Variants in CDHR1 observed in about 807,000 individuals in gnomAD.
CDHR1 encodes the protein cadherin related family member 1.
CDHR1 carries 61 observed loss-of-function variants against 72.1 expected under a neutral mutation model. The ratio of observed to expected loss-of-function variants is 0.85; its 90% CI spans 0.69 to 1.05. The LOEUF (loss-of-function observed/expected upper bound fraction) is 1.05. CDHR1 is among the 50% of genes least tolerant of loss of function. The pLI, the probability that CDHR1 is intolerant of heterozygous loss-of-function variation, is 0.00. For missense variants in CDHR1, 1,186 were observed against 1,115.7 expected, an observed-to-expected ratio of 1.06 and a Z score of -0.90; for synonymous variants, 470 against 448.1, an observed-to-expected ratio of 1.05 and a Z score of -0.62.
At chr10:84,194,886 C>T in intron 1 of CDHR1, 71 bp downstream of exon 1, 1 of 1,409,494 alleles carries the variant, frequency 7.1e-7, no homozygotes. Flanking sequence ...ACCCAGGTGG[C>T]CAGAGGGACA....
In CDHR1 at chr10:84,205,843, T is replaced by A. The variant is rs1312398950; in HGVS notation, c.879T>A (p.Phe293Leu). 5 of 1,613,538 alleles carry A rather than the reference T, an allele frequency of 3.1e-6. No homozygotes were observed. In the African/African-American group the frequency reaches 6.7e-5, roughly 22 times the overall value. ...CCTTGACAGGGAACGATGGAGCCTTTGAAATTAATGAGACATCTGGAGCCA... is the reference window on the plus strand; with the variant it reads ...CCTTGACAGGGAACGATGGAGCCTTAGAAATTAATGAGACATCTGGAGCCA... ...YSLVNGNDGAFEINETSGAIS... is the reference protein window; with the variant it reads ...YSLVNGNDGALEINETSGAIS... Residue 293 changes from phenylalanine to leucine, a missense_variant, in exon 10 of 17, where the codon TTT (phenylalanine) becomes TTA (leucine). Physicochemically the swap from Phe to Leu is conservative, Grantham distance 22. Transcript: ENST00000623527.
rs1363826316 is a variant in CDHR1, at chr10:84,196,663, GT to G, written c.297+14del. 1 of 1,614,202 alleles carries G rather than the reference GT, an allele frequency of 6.2e-7. No homozygotes were observed. ...GCTGGACAGAGAGGTATGGGGAGGT[GT>G]GGGGAGTGCTGCGGGGCCACTGCCT... On this transcript the variant is annotated intron_variant, in intron 3 of 16. Transcript: ENST00000623527.
Position 84,215,566 on chromosome 10 carries a change from C to T in CDHR1, c.*945C>T. On this transcript the variant is annotated 3_prime_UTR_variant, in exon 17 of 17. Coordinates refer to ENST00000623527, the MANE Select transcript of CDHR1 (RefSeq NM_033100.4). ...AAAGCTGTTTAAAGTCGCTGATCAT[C>T]CTCTTCCTCATCTGTAAATGAAGAA... 1 of 872,468 alleles carries T rather than the reference C, an allele frequency of 1.1e-6. No individual in the cohort carries two copies. Among genetic ancestry groups the T allele is most frequent in the Non-Finnish European group, 1.4e-6 (1 of 726,984 alleles). 54.0% of individuals were successfully genotyped at this position (872,468 alleles called of 1,614,324 possible). A position where few individuals can be genotyped will look rare whatever the true frequency, so the allele number is the denominator to read the frequency against.
intron 6 of CDHR1, among the ~76,000 whole-genome samples, chr10:84,201,257 C>G (rs1842119475): frequency 6.6e-6 from 1 of 152,206 alleles, no homozygotes; most frequent in African/African-American, 2.4e-5. Flanking sequence ...AATAACAGCA[C>G]CTGGCACAAG....
rs779289506 is a variant in CDHR1, at chr10:84,208,397, G to A, written c.1167+20G>A. 9.3e-6 allele frequency: 15 copies of A among 1,612,408 alleles called. No homozygotes were observed. The highest frequency in any genetic ancestry group is 3.3e-5 in the Admixed American group (2 of 59,916). ...GACCAGGTGTGTGGTCCTGCCCTCC[G>A]CTCTGCCTTCTCACAAACGGTATGA... On this transcript the variant is annotated intron_variant, in intron 11 of 16. Transcript: ENST00000623527.
intron 12 of CDHR1, among the ~76,000 whole-genome samples, chr10:84,210,593 T>A (rs989380372): frequency 3.3e-5 from 5 of 152,124 alleles, no homozygotes; most frequent in South Asian, 2.1e-4. Context: ...TTTATTTTTT[T>A]AAAAAAAGAA....
At chr10:84,204,089 T>C (rs1162382820) in intron 8 of CDHR1, among the ~76,000 whole-genome samples, 1 of 152,214 alleles carries the variant, frequency 6.6e-6, no homozygotes, top group Non-Finnish European at 1.5e-5. Flanking sequence ...GGATAAAATC[T>C]TAATTCTGGG....
chr10:84,211,502 C>T lies in CDHR1; in HGVS notation c.1486-146C>T, dbSNP rs59317874. The stretch of plus-strand genomic sequence containing the variant: ...CTTCTTGGAGGAAAACTAGGGATCC[C>T]GGGCAGGTCTCTCCACCAATTTCTC... On this transcript the variant is annotated intron_variant, in intron 13 of 16. Coordinates refer to ENST00000623527, the MANE Select transcript of CDHR1 (RefSeq NM_033100.4). 6,949 of 736,702 alleles carry T rather than the reference C, an allele frequency of 9.4e-3. 413 individuals carry two copies. In the East Asian group the frequency reaches 0.14, roughly 14 times the overall value. 45.6% of individuals were successfully genotyped at this position (736,702 alleles called of 1,614,324 possible). A position where few individuals can be genotyped will look rare whatever the true frequency, so the allele number is the denominator to read the frequency against.
chr10:84,208,981 C>A (rs929154784), intron 12 of CDHR1, 100 bp downstream of exon 12: 1 of 1,244,948 alleles, frequency 8.0e-7, no homozygotes, highest in Non-Finnish European at 1.1e-6. Context: ...CACTCTCTGC[C>A]CTTCCTGGCC....
In CDHR1 at chr10:84,208,745, T is replaced by A; in HGVS notation, c.1184T>A (p.Phe395Tyr). The change falls in exon 12 of 17, where the codon TTC becomes TAC. Residue 395 changes from phenylalanine (F) to tyrosine (Y), a missense_variant. By Grantham distance (22) the Phe-to-Tyr change is conservative. Coordinates refer to ENST00000623527, the MANE Select transcript of CDHR1 (RefSeq NM_033100.4). ...NDSDQGANAK[F>Y]NLQLVGPRGI... ...ATTCTCTAGGGAGCCAATGCCAAAT[T>A]CAACTTGCAGCTGGTGGGACCCAGG... is the stretch of plus-strand genomic sequence containing the variant. The A allele has an allele frequency of 6.2e-7, 1 of 1,614,216 alleles. No homozygotes were observed. Among genetic ancestry groups the A allele is most frequent in the Non-Finnish European group, 8.5e-7 (1 of 1,180,026 alleles).
chr10:84,202,435 C>T (rs7081976), intron 7 of CDHR1, among the ~76,000 whole-genome samples: 11,639 of 152,304 alleles, frequency 0.076, 1,093 homozygotes, highest in African/African-American at 0.21. Flanking sequence ...ACCCTAGCAG[C>T]CCCTCTAGGC....
Position 84,215,648 on chromosome 10 carries a change from G to C in CDHR1, c.*1027G>C, listed in dbSNP as rs1842414641. On this transcript the variant is annotated 3_prime_UTR_variant, in exon 17 of 17. Coordinates refer to ENST00000623527, the MANE Select transcript of CDHR1 (RefSeq NM_033100.4). ...AGGGTGAGGATTGAAGAAAATAGTG[G>C]TGATGAGGGCTTTAACCAAGTGCAA... The C allele has an allele frequency of 1.0e-6, 1 of 978,034 alleles. No individual in the cohort carries two copies. The highest frequency in any genetic ancestry group is 1.2e-6 in the Non-Finnish European group (1 of 823,384). 60.6% of individuals were successfully genotyped at this position (978,034 alleles called of 1,614,324 possible). A position where few individuals can be genotyped will look rare whatever the true frequency, so the allele number is the denominator to read the frequency against.
At chr10:84,208,650 C>T (rs993853052) in intron 11 of CDHR1, 79 bp from the exon 12 acceptor site, 13 of 1,417,548 alleles carry the variant, frequency 9.2e-6, no homozygotes, top group South Asian at 2.3e-5. Context: ...GTTAAGGGCA[C>T]GTGAAGACTT....
chr10:84,215,096 C>T lies in CDHR1; in HGVS notation c.*475C>T. 1 of 1,042,164 alleles carries T rather than the reference C, an allele frequency of 9.6e-7. No homozygotes were observed. The highest frequency in any genetic ancestry group is 1.2e-6 in the Non-Finnish European group (1 of 864,020). 64.6% of individuals were successfully genotyped at this position (1,042,164 alleles called of 1,614,324 possible). On this transcript the variant is annotated 3_prime_UTR_variant, in exon 17 of 17. Coordinates refer to ENST00000623527, the MANE Select transcript of CDHR1 (RefSeq NM_033100.4). ...AGGAGCAGGAAAAGGAGGCTCAGCACTGTCTCAGGCTGGAGGTCAGCGAAC... is the reference window on the plus strand; with the variant it reads ...AGGAGCAGGAAAAGGAGGCTCAGCATTGTCTCAGGCTGGAGGTCAGCGAAC...
chr10:84,196,563 C>T lies in CDHR1; in HGVS notation c.210C>T (p.His70=). 1 of 1,614,242 alleles carries T rather than the reference C, an allele frequency of 6.2e-7. No individual in the cohort carries two copies. Among genetic ancestry groups the T allele is most frequent in the African/African-American group, 1.3e-5 (1 of 75,062 alleles). ...CTGAGGGAGACCCCATCTCCTACCACATCAGCTTTGACCCCAGCACTAGAA... is the reference window on the plus strand; with the variant it reads ...CTGAGGGAGACCCCATCTCCTACCATATCAGCTTTGACCCCAGCACTAGAA... ...TDPEGDPISY[H]ISFDPSTRSV... The change falls in exon 3 of 17, where the codon CAC becomes CAT. Residue 70 remains histidine (H), a synonymous_variant. Transcript: ENST00000623527.
Position 84,215,415 on chromosome 10 carries a change from C to T in CDHR1, c.*794C>T. On this transcript the variant is annotated 3_prime_UTR_variant, in exon 17 of 17. Transcript: ENST00000623527. Reference sequence around the variant, plus strand: ...ACTAGAAGAGCATCAGGGCTGCTCTCTGAGGAGCTGCCCCACCAGCCATCC... The same window carrying T: ...ACTAGAAGAGCATCAGGGCTGCTCTTTGAGGAGCTGCCCCACCAGCCATCC... The T allele has an allele frequency of 6.1e-6, 6 of 985,484 alleles. No homozygotes were observed. Among genetic ancestry groups the T allele is most frequent in the Non-Finnish European group, 7.2e-6 (6 of 829,978 alleles). The allele number at this position is 985,484 out of a possible 1,614,324, so 61.0% of individuals were successfully genotyped here. A position where few individuals can be genotyped will look rare whatever the true frequency, so the allele number is the denominator to read the frequency against.
intron 5 of CDHR1, among the ~76,000 whole-genome samples, chr10:84,199,947 C>T (rs1842093750): frequency 6.6e-6 from 1 of 152,152 alleles, no homozygotes; most frequent in South Asian, 2.1e-4. Flanking sequence ...CCGAGATGGA[C>T]AGATCACCTG....
rs1428286479 is a variant in CDHR1 at position 84,217,712 on chromosome 10, A to G, written c.*3091A>G. The G allele has an allele frequency of 3.0e-6, 3 of 985,384 alleles. No individual in the cohort carries two copies. Among genetic ancestry groups the G allele is most frequent in the East Asian group, 1.1e-4 (1 of 8,822 alleles). The allele number at this position is 985,384 out of a possible 1,614,324, so 61.0% of individuals were successfully genotyped here. Reference sequence around the variant, plus strand: ...CCCCCTCCATGCATCCTCACCCCCCAGGATGTTTCCACCCACCTGTAGGTC... The same window carrying G: ...CCCCCTCCATGCATCCTCACCCCCCGGGATGTTTCCACCCACCTGTAGGTC... On this transcript the variant is annotated 3_prime_UTR_variant, in exon 17 of 17. Transcript: ENST00000623527.
downstream of CDHR1, among the ~76,000 whole-genome samples, chr10:84,218,917 T>C (rs1842467173): frequency 6.6e-6 from 1 of 152,174 alleles, no homozygotes; most frequent in African/African-American, 2.4e-5. Context: ...TATTGTGACA[T>C]TTACTGAGGG....
Sources: allele counts gnomAD v4.1 joint callset (sites outside exome capture counted in the v4.1 genomes callset), GRCh38; gene constraint gnomAD v4.1.1; transcripts MANE v1.5; gene names NCBI Gene and HGNC (gene_info 2026-07-23, HGNC 2026-07-21).